The following ANKRD36C variants were observed in gnomAD, a reference collection of about 807,000 sequenced individuals.
ANKRD36C encodes ankyrin repeat domain-containing protein 36C.
In ANKRD36C, 61 loss-of-function variants were observed where a neutral mutation model predicts 276.4. That is an observed-to-expected ratio of 0.22 (90% CI 0.18 to 0.27). The LOEUF (loss-of-function observed/expected upper bound fraction) is 0.27, where lower values mean the gene tolerates loss of function less well. Among genes scored for constraint, ANKRD36C ranks in the 10% least tolerant of loss-of-function variants. The probability of loss-of-function intolerance (pLI) is 1.00; values close to 1 mark genes in which losing one functional copy is unlikely to be tolerated. For synonymous variants in ANKRD36C, 483 were observed against 680.1 expected, an observed-to-expected ratio of 0.71 and a Z score of 4.51; for missense variants, 1,447 against 2,032.3, an observed-to-expected ratio of 0.71 and a Z score of 5.54.
At chr2:95,962,623 C>G (rs1678488746) in intron 6 of ANKRD36C, 76 bp from the exon 7 acceptor site, 1 of 1,552,078 alleles carries the variant, frequency 6.4e-7, no homozygotes, top group Admixed American at 1.7e-5. Context: ...GCACTGTTAC[C>G]ATCAAGCTGT....
chr2:95,917,040 G>T (rs964996771), intron 36 of ANKRD36C, among the ~76,000 whole-genome samples: 1 of 151,552 alleles, frequency 6.6e-6, no homozygotes, highest in African/African-American at 2.4e-5. Flanking sequence ...GTATCAGGTT[G>T]TTCTCTAAAG....
At chr2:95,922,470 G>C (rs1469282846) in intron 32 of ANKRD36C, among the ~76,000 whole-genome samples, 2 of 151,432 alleles carry the variant, frequency 1.3e-5, no homozygotes, top group Non-Finnish European at 3.0e-5. Context: ...TCCACTCATG[G>C]CAACAAAGTA....
At chr2:95,981,348 ATATATAT>A (rs1678910584) in intron 4 of ANKRD36C, among the ~76,000 whole-genome samples, 1 of 148,228 alleles carries the variant, frequency 6.7e-6, no homozygotes, top group Non-Finnish European at 1.5e-5. Context: ...TATATATAAA[ATATATAT>A]TGTATATTAT....
At chr2:95,883,779 T>C (rs1468129771) in intron 54 of ANKRD36C, among the ~76,000 whole-genome samples, 1 of 152,086 alleles carries the variant, frequency 6.6e-6, no homozygotes, top group Non-Finnish European at 1.5e-5. Context: ...ACAGTGTTTA[T>C]GGGTTATTAT....
chr2:95,869,164 G>C (rs1219654672), intron 59 of ANKRD36C, among the ~76,000 whole-genome samples: 3 of 152,160 alleles, frequency 2.0e-5, no homozygotes, highest in African/African-American at 7.2e-5. Flanking sequence ...AATAATTAAA[G>C]TTTAATATCA....
rs1325455959 is a variant in ANKRD36C, at chr2:95,969,887, C to T, written c.800-7340G>A. On this transcript the variant is annotated intron_variant, in intron 6 of 66. Coordinates refer to ENST00000456556, the Ensembl canonical transcript of ANKRD36C. ...AGATATTATTAATCTCTTATTGTGCCTAATTTATGCATTAAATTTTATTAT... is the reference window on the plus strand; with the variant it reads ...AGATATTATTAATCTCTTATTGTGCTTAATTTATGCATTAAATTTTATTAT... Among the ~76,000 whole-genome samples the T allele has an allele frequency of 3.3e-5, 5 of 151,626 alleles. No homozygotes were observed. The South Asian group carries it at 1.0e-3, about 32-fold the overall frequency.
chr2:95,887,101 T>C (rs1299540432), intron 50 of ANKRD36C, among the ~76,000 whole-genome samples: 30 of 151,602 alleles, frequency 2.0e-4, no homozygotes, highest in Admixed American at 1.3e-3. Context: ...AATAGTCTTG[T>C]TAGGAGTATC....
chr2:95,858,412 G>C (rs565638254), intron 61 of ANKRD36C, among the ~76,000 whole-genome samples: 5 of 152,030 alleles, frequency 3.3e-5, no homozygotes, highest in Admixed American at 2.6e-4. Flanking sequence ...GCATGTATAA[G>C]TTGAAATGTA....
At chr2:95,861,072 A>C (rs950574066) in intron 60 of ANKRD36C, among the ~76,000 whole-genome samples, 2 of 152,222 alleles carry the variant, frequency 1.3e-5, no homozygotes, top group African/African-American at 4.8e-5. Flanking sequence ...ATGAATACTC[A>C]GAAAGGTCTT....
At chr2:95,924,389 C>T (rs1162564424) in intron 30 of ANKRD36C, among the ~76,000 whole-genome samples, 1 of 151,448 alleles carries the variant, frequency 6.6e-6, no homozygotes, top group East Asian at 2.0e-4. Context: ...CAATAAATTA[C>T]ACATATTTAT....
At chr2:95,908,574 C>G in intron 42 of ANKRD36C, 1 of 1,558,736 alleles carries the variant, frequency 6.4e-7, no homozygotes, top group Non-Finnish European at 8.7e-7. Flanking sequence ...TCTCTTGTAG[C>G]CTGAATGGAA....
intron 44 of ANKRD36C, among the ~76,000 whole-genome samples, chr2:95,896,531 A>ATT (rs1441331779): frequency 6.7e-6 from 1 of 149,528 alleles, no homozygotes. Context: ...AAGGAAGCAA[A>ATT]TTTATTCATA....
chr2:95,917,281 C>T (rs1353181234), intron 36 of ANKRD36C, among the ~76,000 whole-genome samples: 15 of 151,676 alleles, frequency 9.9e-5, no homozygotes, highest in Non-Finnish European at 1.8e-4. Flanking sequence ...ATTTTTTAAG[C>T]ACATATTCCA....
intron 59 of ANKRD36C, among the ~76,000 whole-genome samples, chr2:95,873,674 C>T (rs1210376506): frequency 6.6e-6 from 1 of 152,214 alleles, no homozygotes; most frequent in Non-Finnish European, 1.5e-5. Context: ...GAAGTTCTGG[C>T]CAGGGCCATT....
intron 34 of ANKRD36C, among the ~76,000 whole-genome samples, chr2:95,920,603 C>A (rs1573768176): frequency 7.6e-6 from 1 of 132,450 alleles, no homozygotes. Flanking sequence ...ATATATTAGC[C>A]TCAATAAAAA....
At chr2:95,886,862 C>CGAGA (rs1676214587) in intron 50 of ANKRD36C, among the ~76,000 whole-genome samples, 1 of 151,580 alleles carries the variant, frequency 6.6e-6, no homozygotes, top group African/African-American at 2.4e-5. Flanking sequence ...CTTGTATTCT[C>CGAGA]TAGTTTAGCC....
intron 44 of ANKRD36C, 44 bp downstream of exon 63, chr2:95,893,652 A>T (rs751551410): frequency 1.1e-5 from 18 of 1,597,796 alleles, no homozygotes; most frequent in Admixed American, 1.7e-5. Context: ...TGTTTCATAG[A>T]CCATACATTA....
chr2:95,922,762 G>A (rs1677305906), intron 32 of ANKRD36C, among the ~76,000 whole-genome samples: 1 of 151,570 alleles, frequency 6.6e-6, no homozygotes, highest in Non-Finnish European at 1.5e-5. Flanking sequence ...CCAATGTATT[G>A]ATATTCAAGT....
At chr2:95,964,768 T>C (rs572950862) in intron 6 of ANKRD36C, among the ~76,000 whole-genome samples, 4,018 of 152,146 alleles carry the variant, frequency 0.026, 189 homozygotes, top group African/African-American at 0.092. Flanking sequence ...CAGCCTATCT[T>C]ACCTATTTTC....
Sources: allele counts gnomAD v4.1 joint callset (sites outside exome capture counted in the v4.1 genomes callset), GRCh38; gene constraint gnomAD v4.1.1; transcripts MANE v1.5; gene names NCBI Gene and HGNC (gene_info 2026-07-23, HGNC 2026-07-21).